Variants in PCDHA3 observed in about 807,000 individuals in gnomAD.
PCDHA3 encodes the protein protocadherin alpha 3, also known as protocadherin alpha-3.
In PCDHA3, 41 loss-of-function variants were observed where a neutral mutation model predicts 62.2. The ratio of observed to expected loss-of-function variants is 0.66; its 90% confidence interval spans 0.51 to 0.86. The LOEUF (loss-of-function observed/expected upper bound fraction) is 0.86, where lower values mean the gene tolerates loss of function less well. Ranked by LOEUF, PCDHA3 falls within the 40% of genes least tolerant of loss-of-function variation. The pLI is 0.00. For synonymous variants in PCDHA3, 640 were observed against 555.4 expected (o/e 1.15, Z -2.14); for missense variants, 1,304 against 1,241.2 (o/e 1.05, Z -0.76).
chr5:140,828,540 CTG>C (rs1769811066), intron 1 of PCDHA3: 1 of 1,614,252 alleles, frequency 6.2e-7, no homozygotes, highest in East Asian at 2.2e-5. Context: ...CTGCCAGATT[CTG>C]TGTTTCCACT....
intron 1 of PCDHA3, among the ~76,000 whole-genome samples, chr5:140,846,079 G>A (rs1024607553): frequency 1.3e-5 from 2 of 149,824 alleles, no homozygotes; most frequent in South Asian, 2.1e-4. Flanking sequence ...TTTTGGAAAG[G>A]TTAAAGTCCT....
chr5:140,925,641 TATAATAATAATAATA>T (rs10569930), intron 1 of PCDHA3, among the ~76,000 whole-genome samples: 7 of 143,358 alleles, frequency 4.9e-5, no homozygotes, highest in African/African-American at 1.0e-4. Flanking sequence ...GAACTTAAAG[TATAATAATAATAATA>T]ATAATAATAA....
intron 1 of PCDHA3, chr5:140,871,292 C>G: frequency 1.2e-6 from 2 of 1,613,890 alleles, no homozygotes; most frequent in Non-Finnish European, 8.5e-7. Context: ...ACTGAGGGCG[C>G]GTGCGCGCCG....
intron 1 of PCDHA3, among the ~76,000 whole-genome samples, chr5:140,838,952 A>G (rs1270544728): frequency 6.6e-6 from 1 of 152,048 alleles, no homozygotes; most frequent in Non-Finnish European, 1.5e-5. Flanking sequence ...ATAAAATAAA[A>G]TAAAAACCCA....
At chr5:140,894,957 T>C (rs530563833) in intron 1 of PCDHA3, among the ~76,000 whole-genome samples, 1 of 152,206 alleles carries the variant, frequency 6.6e-6, no homozygotes, top group African/African-American at 2.4e-5. Flanking sequence ...ATGATAAAAA[T>C]ATAATTTTTT....
intron 1 of PCDHA3, chr5:140,926,897 T>C: frequency 1.3e-6 from 2 of 1,548,696 alleles, no homozygotes; most frequent in Non-Finnish European, 1.7e-6. Context: ...GGGAGGATGG[T>C]GGGCTGTGGG....
At chr5:140,958,578 A>G (rs2095431763) in intron 1 of PCDHA3, among the ~76,000 whole-genome samples, 1 of 152,206 alleles carries the variant, frequency 6.6e-6, no homozygotes, top group Non-Finnish European at 1.5e-5. Context: ...TGAGATTTTA[A>G]ATGAGCTTAT....
rs782195436 is a variant in PCDHA3, at chr5:140,802,833, G to A, written c.1636G>A (p.Gly546Ser). 5 of 1,613,478 alleles carry A rather than the reference G, an allele frequency of 3.1e-6. No homozygotes were observed. The highest frequency in any genetic ancestry group is 1.3e-5 in the African/African-American group (1 of 75,006). The change falls in exon 1 of 4, where the codon GGC becomes AGC. Residue 546 changes from glycine to serine, a missense_variant. Gly to Ser is a moderately conservative substitution (Grantham distance 56). Coordinates refer to ENST00000522353, the MANE Select transcript of PCDHA3 (RefSeq NM_018906.3). ...SARDAGVPPL[G>S]SNVTLQVFVL... ...GCGCGATGCGGGCGTGCCGCCTCTG[G>A]GCAGCAACGTGACGCTGCAGGTGTT...
At chr5:140,965,994 T>C (rs1377339531) in intron 1 of PCDHA3, among the ~76,000 whole-genome samples, 1 of 152,130 alleles carries the variant, frequency 6.6e-6, no homozygotes, top group Non-Finnish European at 1.5e-5. Context: ...TCTGCAGTAC[T>C]TAAGAGTGTC....
intron 1 of PCDHA3, chr5:140,856,304 A>C (rs782114957): frequency 1.3e-5 from 21 of 1,598,432 alleles, no homozygotes; most frequent in Non-Finnish European, 1.8e-5. Flanking sequence ...TTTGTTTGTG[A>C]ATTCTCGGAT....
chr5:140,863,257 C>G (rs1158491669), intron 1 of PCDHA3: 1 of 1,442,346 alleles, frequency 6.9e-7, no homozygotes, highest in Non-Finnish European at 9.4e-7. Context: ...CGTCGAGGTC[C>G]GGGAGGCAGC....
intron 1 of PCDHA3, chr5:140,862,524 C>T: frequency 4.8e-6 from 2 of 417,532 alleles, no homozygotes; most frequent in Middle Eastern, 9.1e-4. Context: ...TTGTTGGCCA[C>T]AGCCATCGGG....
intron 1 of PCDHA3, among the ~76,000 whole-genome samples, chr5:140,972,289 G>A (rs548610825): frequency 1.5e-3 from 229 of 151,134 alleles, no homozygotes; most frequent in Non-Finnish European, 2.1e-3. Flanking sequence ...ATAGATGTGC[G>A]CCACCGTGTC....
At chr5:140,874,154 C>A (rs1554167062) in intron 1 of PCDHA3, among the ~76,000 whole-genome samples, 1 of 152,102 alleles carries the variant, frequency 6.6e-6, no homozygotes, top group African/African-American at 2.4e-5. Flanking sequence ...TAGAGCCATT[C>A]TTGGTTACTC....
chr5:140,827,397 T>C (rs1275430890), intron 1 of PCDHA3, among the ~76,000 whole-genome samples: 2 of 152,336 alleles, frequency 1.3e-5, no homozygotes, highest in East Asian at 3.9e-4. Context: ...ATAAATTAAA[T>C]GTGATAAAGA....
chr5:140,853,719 C>T lies in PCDHA3; in HGVS notation c.2394+50128C>T, dbSNP rs2042844142. 3 of 988,390 alleles carry T rather than the reference C, an allele frequency of 3.0e-6. 1 individual carries two copies. Among genetic ancestry groups the T allele is most frequent in the Non-Finnish European group, 3.7e-6 (3 of 820,332 alleles). The allele number at this position is 988,390 out of a possible 1,614,324, so 61.2% of individuals were successfully genotyped here. Reference sequence around the variant, plus strand: ...GCTAACGCATTAGCATTAGCAGCACCTAAGTCCTCATTGAATGTTCTGGTT... The same window carrying T: ...GCTAACGCATTAGCATTAGCAGCACTTAAGTCCTCATTGAATGTTCTGGTT... On this transcript the variant is annotated intron_variant, in intron 1 of 3. Coordinates refer to ENST00000522353, the MANE Select transcript of PCDHA3 (RefSeq NM_018906.3).
chr5:140,933,388 GCCATCTGGTTA>G (rs1563137793), intron 1 of PCDHA3, among the ~76,000 whole-genome samples: 2 of 151,906 alleles, frequency 1.3e-5, no homozygotes, highest in Non-Finnish European at 2.9e-5. Context: ...TGTTCCTAGA[GCCATCTGGTTA>G]CCATCTACAG....
At chr5:140,828,535 A>G in intron 1 of PCDHA3, 1 of 1,614,248 alleles carries the variant, frequency 6.2e-7, no homozygotes, top group African/African-American at 1.3e-5. Context: ...CTAGGCTGCC[A>G]GATTCTGTGT....
At chr5:140,944,407 G>A (rs1384591675) in intron 1 of PCDHA3, among the ~76,000 whole-genome samples, 2 of 152,036 alleles carry the variant, frequency 1.3e-5, no homozygotes, top group East Asian at 1.9e-4. Context: ...GGCTGGTCTC[G>A]AACTCCTGAT....
Sources: gnomAD v4.1 joint callset for allele counts (sites outside exome capture counted in the v4.1 genomes callset) on GRCh38, gnomAD v4.1.1 for gene constraint, MANE v1.5 for transcripts, NCBI Gene and HGNC (gene_info 2026-07-23, HGNC 2026-07-21) for gene names.